The following CKAP5 variants were observed in gnomAD, a reference collection of about 807,000 sequenced individuals.
The protein encoded by CKAP5 is cytoskeleton-associated protein 5.
In CKAP5, 27 loss-of-function variants were observed where a neutral mutation model predicts 232.8. The ratio of observed to expected loss-of-function variants is 0.12; its 90% CI spans 0.09 to 0.16. The LOEUF (loss-of-function observed/expected upper bound fraction) is 0.16. Ranked by LOEUF, CKAP5 falls within the 10% of genes least tolerant of loss-of-function variation. The pLI, the probability that CKAP5 is intolerant of heterozygous loss-of-function variation, is 1.00. For synonymous variants in CKAP5, 785 were observed against 841.1 expected (o/e 0.93, Z 1.16); for missense variants, 1,838 against 2,424.7 (o/e 0.76, Z 5.08).
At chr11:46,751,557 G>T (rs537389594) in intron 38 of CKAP5, 23 bp from the exon 39 acceptor site, 1 of 1,565,170 alleles carries the variant, frequency 6.4e-7, no homozygotes, top group South Asian at 1.2e-5. Context: ...GAATAAAAGA[G>T]TTAGGAGTGA....
intron 7 of CKAP5, among the ~76,000 whole-genome samples, chr11:46,808,667 T>C (rs1311391337): frequency 6.6e-6 from 1 of 152,246 alleles, no homozygotes; most frequent in Non-Finnish European, 1.5e-5. Flanking sequence ...AGTAATATAA[T>C]AAACAAACAA....
At chr11:46,822,058 A>G (rs1939547368) in intron 1 of CKAP5, among the ~76,000 whole-genome samples, 1 of 152,012 alleles carries the variant, frequency 6.6e-6, no homozygotes, top group Non-Finnish European at 1.5e-5. Flanking sequence ...AAGTCACTCA[A>G]AAAATATAAA....
chr11:46,750,478 C>A (rs1407129297), intron 41 of CKAP5, 45 bp from the exon 42 acceptor site: 2 of 1,612,282 alleles, frequency 1.2e-6, no homozygotes, highest in Non-Finnish European at 1.7e-6. Flanking sequence ...ATGTTAGTGT[C>A]CCTTTACCAT....
Position 46,796,925 on chromosome 11 carries a change from C to T in CKAP5, c.1354G>A (p.Ala452Thr), listed in dbSNP as rs773710114. The change falls in exon 12 of 44, where the codon GCT (alanine) becomes ACT (threonine). Residue 452 changes from alanine to threonine, a missense_variant. Ala to Thr is a moderately conservative substitution (Grantham distance 58). Transcript: ENST00000529230. ...AATGCGGCATCTCTGACTTCAGGAG[C>T]AGAATCATTGATGTGCTATAGTCCA... ...AALLKHINDS[A>T]PEVRDAAFEA... is the part of the protein sequence containing the mutation. The T allele has an allele frequency of 2.5e-6, 4 of 1,613,782 alleles. No homozygotes were observed. The East Asian group carries it at 8.9e-5, about 36-fold the overall frequency.
chr11:46,804,528 T>A (rs1939109145), intron 8 of CKAP5, among the ~76,000 whole-genome samples: 1 of 152,206 alleles, frequency 6.6e-6, no homozygotes, highest in Non-Finnish European at 1.5e-5. Context: ...CAGTTTTAAG[T>A]GCTGTCACTT....
chr11:46,802,545 G>GACACAC (rs1329373513), intron 8 of CKAP5, among the ~76,000 whole-genome samples: 1 of 134,784 alleles, frequency 7.4e-6, no homozygotes, highest in Non-Finnish European at 1.5e-5. Context: ...CAGACAGACA[G>GACACAC]ACAGACAGAC....
At chr11:46,760,411 C>A (rs777740097) in intron 33 of CKAP5, 27 of 690,344 alleles carry the variant, frequency 3.9e-5, no homozygotes, top group Admixed American at 6.5e-5. Flanking sequence ...AGGCACAAGA[C>A]CATTTAGAAG....
At chr11:46,834,395 T>C (rs929297021) in intron 1 of CKAP5, among the ~76,000 whole-genome samples, 1 of 151,742 alleles carries the variant, frequency 6.6e-6, no homozygotes, top group Non-Finnish European at 1.5e-5. Flanking sequence ...GGTACATGCC[T>C]GCAGTCCCAG....
intron 24 of CKAP5, among the ~76,000 whole-genome samples, chr11:46,776,022 G>A (rs1038352103): frequency 6.6e-6 from 1 of 151,886 alleles, no homozygotes; most frequent in Non-Finnish European, 1.5e-5. Flanking sequence ...TTAAGAAAAG[G>A]GAAAAATTCC....
intron 1 of CKAP5, among the ~76,000 whole-genome samples, chr11:46,835,042 G>A (rs1297698311): frequency 1.3e-5 from 2 of 150,756 alleles, no homozygotes; most frequent in Admixed American, 6.6e-5. Context: ...TACAGCTTTC[G>A]TTTCGCGACC....
chr11:46,782,807 G>A (rs77099377), intron 18 of CKAP5, among the ~76,000 whole-genome samples: 3,171 of 152,286 alleles, frequency 0.021, 125 homozygotes, highest in African/African-American at 0.072. Context: ...AAAAGTACCT[G>A]GGATAAAGTA....
intron 15 of CKAP5, among the ~76,000 whole-genome samples, chr11:46,789,351 T>A (rs903009090): frequency 1.3e-5 from 2 of 152,204 alleles, no homozygotes. Flanking sequence ...CACAGGTTTT[T>A]GAGAGGTTTT....
chr11:46,772,604 G>T (rs900603098), intron 24 of CKAP5, among the ~76,000 whole-genome samples: 3 of 152,124 alleles, frequency 2.0e-5, no homozygotes, highest in South Asian at 4.1e-4. Context: ...ATTAGTGTGG[G>T]TCTATTTCTG....
chr11:46,798,419 A>G (rs1326680575), intron 9 of CKAP5, among the ~76,000 whole-genome samples: 1 of 151,936 alleles, frequency 6.6e-6, no homozygotes, highest in Non-Finnish European at 1.5e-5. Flanking sequence ...TACTAAAACA[A>G]ACAAAAAAAA....
rs200902714 is a variant in CKAP5 at position 46,780,408 on chromosome 11, A to G, written c.2307+20T>C. On this transcript the variant is annotated intron_variant, in intron 19 of 43. Transcript: ENST00000529230. The stretch of plus-strand genomic sequence containing the variant: ...CACAAAGATGGCAATACTGCCCTAT[A>G]TATGTTGTTATGTACTCACTGGGTT... 1,039 of 1,613,410 alleles carry G rather than the reference A, an allele frequency of 6.4e-4. No homozygotes were observed. Among genetic ancestry groups the G allele is most frequent in the Non-Finnish European group, 7.8e-4 (919 of 1,179,542 alleles).
chr11:46,754,138 CA>C (rs1176122997), intron 36 of CKAP5, among the ~76,000 whole-genome samples: 1 of 152,076 alleles, frequency 6.6e-6, no homozygotes, highest in African/African-American at 2.4e-5. Flanking sequence ...GCTGGGATTA[CA>C]GGCGCCCGCC....
In CKAP5 at chr11:46,805,911, TG is replaced by T. The variant is rs535237329; in HGVS notation, c.978+2119del. ...GAGATCGTGCCACTGCACTCCAGCC[TG>T]GGCAACAATAACGAAACTCCATCTC... On this transcript the variant is annotated intron_variant, in intron 8 of 43. Transcript: ENST00000529230. Among the ~76,000 whole-genome samples, 710 of 152,304 alleles carry T rather than the reference TG, an allele frequency of 4.7e-3. 1 individual carries two copies. Among genetic ancestry groups the T allele is most frequent in the Admixed American group, 7.5e-3 (114 of 15,292 alleles).
chr11:46,757,593 A>G (rs2065120263), intron 35 of CKAP5, among the ~76,000 whole-genome samples: 2 of 151,042 alleles, frequency 1.3e-5, no homozygotes, highest in Non-Finnish European at 3.0e-5. Flanking sequence ...TTATTTGTTT[A>G]TTTTTTGGAG....
At position 46,763,604 on chromosome 11, in the gene CKAP5, T is replaced by G; in HGVS notation, c.3564A>C (p.Pro1188=). The part of the protein sequence containing the change: ...LKVLKWNFTT[P]RDEYIEQLKT... ...TTAGTTGCTCAATGTATTCATCCCG[T>G]GGGGTAGTAAAATTCCACTTTAGCA... The change falls in exon 29 of 44, where the codon CCA becomes CCC. Residue 1188 remains proline (P), a synonymous_variant. Coordinates refer to ENST00000529230, the MANE Select transcript of CKAP5 (RefSeq NM_001008938.4). 6.4e-7 allele frequency: 1 copy of G among 1,571,404 alleles called. No individual in the cohort carries two copies. The highest frequency in any genetic ancestry group is 1.4e-5 in the African/African-American group (1 of 72,848).
Sources: gnomAD v4.1 joint callset for allele counts (sites outside exome capture counted in the v4.1 genomes callset) on GRCh38, gnomAD v4.1.1 for gene constraint, MANE v1.5 for transcripts, NCBI Gene and HGNC (gene_info 2026-07-23, HGNC 2026-07-21) for gene names.